MRTFB: variants seen among roughly 807,000 people sequenced by gnomAD.
MRTFB encodes myocardin related transcription factor B.
MRTFB carries 29 observed loss-of-function variants against 104.2 expected under a neutral mutation model. That is an observed-to-expected ratio of 0.28 (90% CI 0.21 to 0.38). MRTFB has a LOEUF of 0.38. Ranked by LOEUF, MRTFB falls within the 10% of genes least tolerant of loss-of-function variation. MRTFB has a pLI of 1.00. For synonymous variants in MRTFB, 535 were observed against 519.5 expected, an observed-to-expected ratio of 1.03 and a Z score of -0.41; for missense variants, 1,270 against 1,341.6, an observed-to-expected ratio of 0.95 and a Z score of 0.83.
At chr16:14,058,708 A>C in the MRTFB span, among the ~76,000 whole-genome samples, 1 of 102,532 alleles carries the variant, frequency 9.8e-6, no homozygotes, top group East Asian at 2.6e-4. Context: ...TTTTATTTGT[A>C]TTTGTTTTTT....
At chr16:14,246,439 A>C in intron 11 of MRTFB, 34 bp from the exon 12 acceptor site, 1 of 1,602,090 alleles carries the variant, frequency 6.2e-7, no homozygotes, top group Non-Finnish European at 8.5e-7. Flanking sequence ...AGAAAGCTCT[A>C]ATACTAAGAT....
At chr16:14,079,446 C>T (rs2034266429) in intron 2 of MRTFB, 92 bp downstream of exon 2, 1 of 313,322 alleles carries the variant, frequency 3.2e-6, no homozygotes, top group African/African-American at 2.1e-5. Context: ...TGAGGTCTAA[C>T]AGGGAGATTG....
intron 2 of MRTFB, among the ~76,000 whole-genome samples, chr16:14,085,495 A>T (rs2034654822): frequency 1.3e-5 from 2 of 151,086 alleles, no homozygotes; most frequent in Non-Finnish European, 2.9e-5. Flanking sequence ...AAAATACAGC[A>T]TTTAATAATA....
chr16:14,081,909 T>C (rs1213972423), intron 2 of MRTFB, among the ~76,000 whole-genome samples: 2 of 152,220 alleles, frequency 1.3e-5, no homozygotes, highest in Admixed American at 1.3e-4. Flanking sequence ...TTTCCTGCTA[T>C]TGAGTTGAGT....
chr16:14,200,490 T>G (rs943030950), intron 3 of MRTFB: 19 of 1,610,508 alleles, frequency 1.2e-5, no homozygotes, highest in Non-Finnish European at 1.7e-6. Flanking sequence ...TTCTTTCGAG[T>G]CAGTGCAATC....
rs564882460 is a variant in MRTFB at position 14,261,200 on chromosome 16, T to G, written c.3056T>G (p.Leu1019Arg). 6.9e-5 allele frequency: 111 copies of G among 1,614,228 alleles called. No individual in the cohort carries two copies. The South Asian group carries it at 1.1e-3, about 15-fold the overall frequency. ...CTGATCGAGGACCTCCAGAATGATC[T>G]GCTGAGTCACTCAGGTATGCTGGAC... ...FSLIEDLQNDLLSHSGMLDHS... is the reference protein window; with the variant it reads ...FSLIEDLQNDRLSHSGMLDHS... Residue 1019 changes from leucine to arginine, a missense_variant, in exon 17 of 17, where the codon CTG (leucine) becomes CGG (arginine). Transcript: ENST00000571589.
At chr16:14,067,269 T>C (rs984759480), upstream of MRTFB, among the ~76,000 whole-genome samples, 26 of 151,280 alleles carry the variant, frequency 1.7e-4, no homozygotes, top group African/African-American at 6.1e-4. Context: ...TTGCCCAGGC[T>C]GGAGTGCAGT....
chr16:14,239,292 G>C (rs894527617), intron 9 of MRTFB, among the ~76,000 whole-genome samples: 2 of 152,172 alleles, frequency 1.3e-5, no homozygotes, highest in African/African-American at 4.8e-5. Context: ...CACATTCTAT[G>C]AATGTTAGAA....
intron 2 of MRTFB, among the ~76,000 whole-genome samples, chr16:14,081,609 G>C (rs2034410410): frequency 1.4e-5 from 2 of 147,194 alleles, no homozygotes; most frequent in South Asian, 4.3e-4. Flanking sequence ...TGCTTCTTTT[G>C]AGAAATGTCT....
intron 3 of MRTFB, chr16:14,200,180 G>A (rs982387565): frequency 3.5e-6 from 3 of 858,520 alleles, no homozygotes; most frequent in Non-Finnish European, 5.3e-6. Context: ...AATGAATGAG[G>A]ATATTCATTA....
intron 4 of MRTFB, among the ~76,000 whole-genome samples, chr16:14,212,138 A>G (rs989127059): frequency 3.3e-5 from 5 of 152,182 alleles, no homozygotes; most frequent in Non-Finnish European, 7.4e-5. Flanking sequence ...TTTGTATACA[A>G]TCGTGTTTTA....
intron 1 of MRTFB, among the ~76,000 whole-genome samples, chr16:14,072,679 C>T (rs1261744191): frequency 1.3e-5 from 2 of 152,124 alleles, no homozygotes; most frequent in Non-Finnish European, 2.9e-5. Context: ...AGTGAGGCCG[C>T]TACTTCAGGG....
At chr16:14,037,212 G>A in the MRTFB span, among the ~76,000 whole-genome samples, 1 of 152,112 alleles carries the variant, frequency 6.6e-6, no homozygotes, top group African/African-American at 2.4e-5. Flanking sequence ...TCCGTAGAAG[G>A]GCAATGACAG....
chr16:14,089,470 A>G (rs1053528141), intron 2 of MRTFB, among the ~76,000 whole-genome samples: 1 of 152,102 alleles, frequency 6.6e-6, no homozygotes, highest in African/African-American at 2.4e-5. Flanking sequence ...ATTCCTTTTT[A>G]TTGCTGAGTA....
intron 2 of MRTFB, among the ~76,000 whole-genome samples, chr16:14,117,415 CA>C (rs1338292198): frequency 6.6e-6 from 1 of 152,246 alleles, no homozygotes; most frequent in Non-Finnish European, 1.5e-5. Flanking sequence ...CTTCCTAATA[CA>C]TGGTCCCATA....
intron 2 of MRTFB, among the ~76,000 whole-genome samples, chr16:14,131,154 A>C (rs2037419685): frequency 6.6e-6 from 1 of 152,188 alleles, no homozygotes; most frequent in Admixed American, 6.5e-5. Context: ...TTTTGTCCCC[A>C]TATCTAACTC....
At chr16:14,114,880 G>A (rs2036457293) in intron 2 of MRTFB, among the ~76,000 whole-genome samples, 1 of 152,150 alleles carries the variant, frequency 6.6e-6, no homozygotes, top group East Asian at 1.9e-4. Flanking sequence ...TGGCTACCTT[G>A]TCTGTCTTGT....
intron 2 of MRTFB, among the ~76,000 whole-genome samples, chr16:14,086,236 T>C (rs1352465551): frequency 1.3e-5 from 2 of 152,170 alleles, no homozygotes; most frequent in Non-Finnish European, 2.9e-5. Context: ...TCCTAACCAA[T>C]TTTTCACAGC....
intron 3 of MRTFB, among the ~76,000 whole-genome samples, chr16:14,203,804 G>GAAAAAAAAAAAAA (rs908323645): frequency 2.1e-5 from 1 of 46,576 alleles, no homozygotes. Context: ...ACTCTGTCTC[G>GAAAAAAAAAAAAA]AAAAAAAAAA....
Sources: gnomAD v4.1 joint callset for allele counts (sites outside exome capture counted in the v4.1 genomes callset) on GRCh38, gnomAD v4.1.1 for gene constraint, MANE v1.5 for transcripts, NCBI Gene and HGNC (gene_info 2026-07-23, HGNC 2026-07-21) for gene names.